The following ARID4B variants were observed in gnomAD, a reference collection of about 807,000 sequenced individuals.
ARID4B encodes AT-rich interaction domain 4B, also known as AT-rich interactive domain-containing protein 4B.
A neutral mutation model predicts 147.5 loss-of-function variants in ARID4B; 26 were observed. That is an observed-to-expected ratio of 0.18 (90% CI 0.13 to 0.24). The LOEUF (loss-of-function observed/expected upper bound fraction) is 0.24. Among genes scored for constraint, ARID4B ranks in the 10% least tolerant of loss-of-function variants. ARID4B has a pLI of 1.00. For synonymous variants in ARID4B, 512 were observed against 507.9 expected (o/e 1.01, Z -0.11); for missense variants, 1,179 against 1,511.5 (o/e 0.78, Z 3.65).
intron 20 of ARID4B, among the ~76,000 whole-genome samples, chr1:235,179,525 C>CAAAAAAAA (rs61143006): frequency 1.9e-4 from 9 of 48,360 alleles, no homozygotes; most frequent in East Asian, 1.4e-3. Flanking sequence ...CTCTATGTCT[C>CAAAAAAAA]AAAAAAAAAA....
intron 18 of ARID4B, among the ~76,000 whole-genome samples, 178 bp from the exon 19 acceptor site, chr1:235,194,389 A>T (rs1665344975): frequency 6.6e-6 from 1 of 152,236 alleles, no homozygotes; most frequent in African/African-American, 2.4e-5. Context: ...ACAAAATACT[A>T]CACAGGATGA....
Position 235,194,071 on chromosome 1 carries a change from G to A in ARID4B, c.2067C>T (p.Asn689=), listed in dbSNP as rs150694486. ...TGGACTTAATATGAGCAGTATCAGA[G>A]TTTTTGGCATCAGTGAGATCCAGTT... ...VSKLDLTDAK[N]SDTAHIKSIE... The change falls in exon 19 of 24, where the codon AAC becomes AAT. Residue 689 remains asparagine (N), a synonymous_variant. Transcript: ENST00000264183. 10 of 1,612,988 alleles carry A rather than the reference G, an allele frequency of 6.2e-6. No homozygotes were observed. In the East Asian group the frequency reaches 2.0e-4, roughly 32 times the overall value.
chr1:235,304,163 C>T (rs927821639), intron 2 of ARID4B, among the ~76,000 whole-genome samples: 5 of 152,076 alleles, frequency 3.3e-5, no homozygotes, highest in Admixed American at 1.3e-4. Context: ...TTGAGACCAG[C>T]GTGGCAACAT....
At chr1:235,224,846 C>A in intron 11 of ARID4B, 71 bp from the exon 12 acceptor site, 2 of 1,075,862 alleles carry the variant, frequency 1.9e-6, no homozygotes, top group Admixed American at 2.2e-5. Context: ...GATTTCTTAC[C>A]AATAGCAAAG....
chr1:235,204,250 A>C (rs1666158196), intron 17 of ARID4B, among the ~76,000 whole-genome samples: 1 of 152,148 alleles, frequency 6.6e-6, no homozygotes, highest in Non-Finnish European at 1.5e-5. Context: ...TGAACCCAGA[A>C]GGCGGAGGTT....
At chr1:235,217,261 C>A (rs1667152563) in intron 16 of ARID4B, among the ~76,000 whole-genome samples, 1 of 152,082 alleles carries the variant, frequency 6.6e-6, no homozygotes. Context: ...GAAAACTATT[C>A]TACTCTCTAA....
intron 2 of ARID4B, among the ~76,000 whole-genome samples, chr1:235,268,470 C>A (rs1232783997): frequency 6.6e-6 from 1 of 152,038 alleles, no homozygotes; most frequent in African/African-American, 2.4e-5. Context: ...GTACTAAGAG[C>A]AACCAAAAGA....
chr1:235,267,626 A>G (rs1201110168), intron 2 of ARID4B, among the ~76,000 whole-genome samples: 1 of 152,082 alleles, frequency 6.6e-6, no homozygotes, highest in African/African-American at 2.4e-5. Flanking sequence ...AGGTCAGGAG[A>G]TGGAGACCAT....
At chr1:235,237,862 T>C (rs190161240) in intron 8 of ARID4B, among the ~76,000 whole-genome samples, 5 of 152,258 alleles carry the variant, frequency 3.3e-5, no homozygotes, top group Admixed American at 6.5e-5. Flanking sequence ...AAAAGTTTAT[T>C]AATCATCACC....
intron 17 of ARID4B, among the ~76,000 whole-genome samples, chr1:235,203,117 T>C (rs184322349): frequency 4.7e-4 from 71 of 152,350 alleles, no homozygotes; most frequent in African/African-American, 1.6e-3. Flanking sequence ...ATTTTTCAAA[T>C]GTTTAAAAAT....
intron 2 of ARID4B, among the ~76,000 whole-genome samples, chr1:235,262,311 C>T (rs1054626004): frequency 1.3e-5 from 2 of 152,180 alleles, no homozygotes; most frequent in East Asian, 1.9e-4. Flanking sequence ...ATAATGGCCA[C>T]CTGCTTCACA....
intron 8 of ARID4B, among the ~76,000 whole-genome samples, chr1:235,235,538 C>T (rs145920520): frequency 6.6e-6 from 1 of 152,212 alleles, no homozygotes; most frequent in African/African-American, 2.4e-5. Context: ...TGCCACAGAA[C>T]GACAATATGC....
chr1:235,302,181 C>CAAAAAAA (rs1364335066), intron 2 of ARID4B, among the ~76,000 whole-genome samples: 5 of 38,104 alleles, frequency 1.3e-4, no homozygotes, highest in Non-Finnish European at 2.0e-4. Flanking sequence ...AAAAAAACAG[C>CAAAAAAA]AAAAAAAAAC....
intron 14 of ARID4B, 66 bp from the exon 15 acceptor site, chr1:235,220,611 TAA>T: frequency 8.1e-7 from 1 of 1,230,768 alleles, no homozygotes; most frequent in Non-Finnish European, 1.1e-6. Context: ...GAGTTATTTT[TAA>T]TGTGTATTCA....
At chr1:235,191,278 C>T (rs532472088) in intron 19 of ARID4B, among the ~76,000 whole-genome samples, 29 of 150,298 alleles carry the variant, frequency 1.9e-4, no homozygotes, top group Non-Finnish European at 3.1e-4. Context: ...GATGGAGTTT[C>T]GCTGTTGCTA....
chr1:235,292,494 T>G (rs1672403321), intron 2 of ARID4B, among the ~76,000 whole-genome samples: 1 of 151,844 alleles, frequency 6.6e-6, no homozygotes, highest in South Asian at 2.1e-4. Flanking sequence ...CTCATGCCTG[T>G]AATCCCAGCT....
Position 235,182,376 on chromosome 1 carries a change from T to C in ARID4B, c.2543A>G (p.Asn848Ser), listed in dbSNP as rs149984662. The change falls in exon 20 of 24, where the codon AAC (asparagine) becomes AGC (serine). Residue 848 changes from asparagine to serine, a missense_variant. Asn to Ser is a conservative substitution (Grantham distance 46, BLOSUM62 1). This residue lies in a region of ARID4B where 321 missense variants were observed against 342.4 expected (regional missense o/e 0.94). Coordinates refer to ENST00000264183, the MANE Select transcript of ARID4B (RefSeq NM_016374.6). ...GTTTTCCATGCAAAGTGATTCTTTG[T>C]TCTTGGCCTTCTCTTCCTTTTTGCC... ...SPGKKEEKAK[N>S]KESLCMENSS... The C allele has an allele frequency of 1.2e-5, 20 of 1,610,754 alleles. No individual in the cohort carries two copies. The highest frequency in any genetic ancestry group is 1.7e-5 in the Admixed American group (1 of 59,174).
At chr1:235,251,429 G>C (rs1394303196) in intron 6 of ARID4B, among the ~76,000 whole-genome samples, 1 of 151,976 alleles carries the variant, frequency 6.6e-6, no homozygotes, top group South Asian at 2.1e-4. Flanking sequence ...AGAAGTACAG[G>C]GAAGTGGTTG....
At chr1:235,239,986 C>T (rs1296511659) in intron 8 of ARID4B, among the ~76,000 whole-genome samples, 1 of 152,024 alleles carries the variant, frequency 6.6e-6, no homozygotes, top group African/African-American at 2.4e-5. Flanking sequence ...CCCTGTCAAC[C>T]AAGAAAGATT....
Sources: allele counts gnomAD v4.1 joint callset (sites outside exome capture counted in the v4.1 genomes callset), GRCh38; gene constraint gnomAD v4.1.1; regional missense constraint gnomAD v4.1.1; transcripts MANE v1.5; gene names NCBI Gene and HGNC (gene_info 2026-07-23, HGNC 2026-07-21).